The following SNX29 variants were observed in gnomAD, a reference collection of about 807,000 sequenced individuals.
SNX29 encodes sorting nexin-29.
A neutral mutation model predicts 102.1 loss-of-function variants in SNX29; 78 were observed. The ratio of observed to expected loss-of-function variants is 0.76; its 90% CI spans 0.64 to 0.92. SNX29 has a LOEUF of 0.92. SNX29 is among the 40% of genes least tolerant of loss of function. The probability of loss-of-function intolerance (pLI) is 0.00; values close to 1 mark genes in which losing one functional copy is unlikely to be tolerated. For synonymous variants in SNX29, 580 were observed against 414.5 expected, an observed-to-expected ratio of 1.40 and a Z score of -4.85; for missense variants, 1,280 against 1,061.7, an observed-to-expected ratio of 1.21 and a Z score of -2.86.
At position 12,496,507 on chromosome 16, in the gene SNX29, CTTTTTTTTT is replaced by C. The variant is rs537441350; in HGVS notation, c.2178+18662_2178+18670del. Among the ~76,000 whole-genome samples the C allele has an allele frequency of 1.7e-4, 20 of 115,198 alleles. No homozygotes were observed. In the South Asian group the frequency reaches 4.7e-3, roughly 27 times the overall value. 75.6% of individuals were successfully genotyped at this position (115,198 alleles called of 152,430 possible). A position where few individuals can be genotyped will look rare whatever the true frequency, so the allele number is the denominator to read the frequency against. ...TCTCACACCTCCTTGGCTCTCATGGCTTTTTTTTTTTTTTTTTTTTTTAAACCTAGTCTT... is the reference window on the plus strand; with the variant it reads ...TCTCACACCTCCTTGGCTCTCATGGCTTTTTTTTTTTTTAAACCTAGTCTT... On this transcript the variant is annotated intron_variant, in intron 19 of 20. Transcript: ENST00000566228.
At chr16:12,193,710 A>G (rs2076701929) in intron 13 of SNX29, among the ~76,000 whole-genome samples, 1 of 152,052 alleles carries the variant, frequency 6.6e-6, no homozygotes, top group Non-Finnish European at 1.5e-5. Context: ...TTTTTTTTGC[A>G]TATGAATGTC....
At chr16:11,983,779 T>G (rs1044920515) in intron 1 of SNX29, 2 of 864,574 alleles carry the variant, frequency 2.3e-6, no homozygotes, top group African/African-American at 3.7e-5. Context: ...TTTTATAGAT[T>G]TCTCCAAATT....
intron 4 of SNX29, among the ~76,000 whole-genome samples, chr16:12,041,401 C>T (rs754435697): frequency 8.5e-5 from 13 of 152,204 alleles, no homozygotes; most frequent in East Asian, 1.9e-4. Context: ...TATGGGCCAC[C>T]GTGCCTGGCC....
At chr16:12,183,596 G>T (rs190386504) in intron 13 of SNX29, among the ~76,000 whole-genome samples, 2 of 152,272 alleles carry the variant, frequency 1.3e-5, no homozygotes, top group East Asian at 3.9e-4. Context: ...TCTTTCCGAA[G>T]AACAAGGATA....
chr16:12,498,345 G>C (rs1476751719), intron 19 of SNX29, among the ~76,000 whole-genome samples: 2 of 152,080 alleles, frequency 1.3e-5, no homozygotes, highest in African/African-American at 4.8e-5. Context: ...AAGGAGTTTG[G>C]AATTTTATCC....
At chr16:12,320,655 G>A (rs1426988691) in intron 15 of SNX29, among the ~76,000 whole-genome samples, 7 of 152,166 alleles carry the variant, frequency 4.6e-5, no homozygotes, top group Non-Finnish European at 1.0e-4. Context: ...AGTGTGTCAT[G>A]TGCTGGGGAA....
chr16:12,231,570 T>G (rs1194779029), intron 14 of SNX29, among the ~76,000 whole-genome samples: 1 of 152,212 alleles, frequency 6.6e-6, no homozygotes, highest in Non-Finnish European at 1.5e-5. Context: ...AAACAAAACT[T>G]TTACTATACT....
At chr16:12,037,669 G>C (rs1215929058) in intron 4 of SNX29, among the ~76,000 whole-genome samples, 3 of 151,924 alleles carry the variant, frequency 2.0e-5, no homozygotes, top group Non-Finnish European at 4.4e-5. Flanking sequence ...AAAGGGAAAG[G>C]GACCAGGCTC....
At chr16:12,562,111 A>T (rs5018323) in intron 20 of SNX29, among the ~76,000 whole-genome samples, 3 of 151,654 alleles carry the variant, frequency 2.0e-5, no homozygotes, top group Non-Finnish European at 4.4e-5. Flanking sequence ...AAGGCCGTTC[A>T]CTCTCCTGTG....
At chr16:12,011,446 T>C (rs2056652205) in intron 3 of SNX29, among the ~76,000 whole-genome samples, 2 of 152,002 alleles carry the variant, frequency 1.3e-5, no homozygotes, top group Admixed American at 1.3e-4. Flanking sequence ...AGCTAATTTT[T>C]GTGTTTTTAG....
chr16:12,040,224 A>T (rs1007324673), intron 4 of SNX29, among the ~76,000 whole-genome samples: 1 of 152,098 alleles, frequency 6.6e-6, no homozygotes. Context: ...AATAAAAATT[A>T]AAAAGTTAGC....
intron 4 of SNX29, 136 bp downstream of exon 4, chr16:12,027,580 T>C (rs2057229614): frequency 2.9e-6 from 3 of 1,021,952 alleles, no homozygotes; most frequent in Admixed American, 2.7e-5. Flanking sequence ...CAGAAATCCA[T>C]GTCTTAATAG....
chr16:12,405,976 G>C (rs1470749408), intron 18 of SNX29, among the ~76,000 whole-genome samples: 1 of 151,900 alleles, frequency 6.6e-6, no homozygotes, highest in African/African-American at 2.4e-5. Flanking sequence ...AGATTGCAGT[G>C]AGCCGAGATC....
chr16:12,561,430 G>T (rs2078718079), intron 20 of SNX29, among the ~76,000 whole-genome samples: 1 of 152,120 alleles, frequency 6.6e-6, no homozygotes, highest in African/African-American at 2.4e-5. Flanking sequence ...TGGGTTGCAG[G>T]GATCCAGCCC....
chr16:12,450,792 G>T lies in SNX29; in HGVS notation c.2038-26927G>T, dbSNP rs143731818. On this transcript the variant is annotated intron_variant, in intron 18 of 20. Transcript: ENST00000566228. ...GAGCTTTAGGCCAATCATTGTGGTG[G>T]CACTGGGGAACCTAGGGTCGATCAG... is the stretch of plus-strand genomic sequence containing the variant. 1.0e-3 allele frequency among the ~76,000 whole-genome samples: 157 copies of T among 152,296 alleles called. 1 individual carries two copies. Among genetic ancestry groups the T allele is most frequent in the African/African-American group, 3.6e-3 (149 of 41,558 alleles).
intron 13 of SNX29, among the ~76,000 whole-genome samples, chr16:12,163,192 T>A (rs1296539292): frequency 2.0e-5 from 3 of 152,098 alleles, no homozygotes; most frequent in Non-Finnish European, 2.9e-5. Flanking sequence ...AGTTGTTGCT[T>A]CTGATGGTAG....
chr16:12,301,247 C>T (rs1387081501), intron 15 of SNX29, among the ~76,000 whole-genome samples: 2 of 152,258 alleles, frequency 1.3e-5, no homozygotes, highest in African/African-American at 2.4e-5. Flanking sequence ...GCCGGGAGTA[C>T]TACCAGTAGA....
At chr16:12,367,363 T>C (rs749743708) in intron 16 of SNX29, 9 of 152,310 alleles carry the variant, frequency 5.9e-5, no homozygotes, top group Non-Finnish European at 1.2e-4. Context: ...CACGTTCGAT[T>C]ATCCAGAAAG....
chr16:12,310,697 C>T (rs2080510342), intron 15 of SNX29, among the ~76,000 whole-genome samples: 1 of 152,104 alleles, frequency 6.6e-6, no homozygotes, highest in Non-Finnish European at 1.5e-5. Flanking sequence ...TGTTCTGTGT[C>T]TTGTGATGGG....
Sources: gnomAD v4.1 joint callset for allele counts (sites outside exome capture counted in the v4.1 genomes callset) on GRCh38, gnomAD v4.1.1 for gene constraint, MANE v1.5 for transcripts, NCBI Gene and HGNC (gene_info 2026-07-23, HGNC 2026-07-21) for gene names.